Variants in DUS2 observed in about 807,000 individuals in gnomAD.
DUS2 encodes dihydrouridine synthase 2, also known as tRNA-dihydrouridine(20) synthase [NAD(P)+]-like.
Under a neutral mutation model 71.3 loss-of-function variants are expected in DUS2, and 52 were observed. The observed-to-expected ratio is 0.73, with a 90% CI of 0.58 to 0.92. DUS2 has a LOEUF of 0.92. Ranked by LOEUF, DUS2 falls within the 40% of genes least tolerant of loss-of-function variation. The probability of loss-of-function intolerance (pLI) is 0.00; values close to 1 mark genes in which losing one functional copy is unlikely to be tolerated. For missense variants in DUS2, 558 were observed against 622.6 expected (o/e 0.90, Z 1.10); for synonymous variants, 204 against 227.8 (o/e 0.90, Z 0.94).
chr16:68,062,691 C>G (rs1457840818), intron 8 of DUS2, among the ~76,000 whole-genome samples: 2 of 146,636 alleles, frequency 1.4e-5, no homozygotes, highest in Non-Finnish European at 3.0e-5. Flanking sequence ...TGCACTCCAG[C>G]CTGGGCGACA....
At chr16:68,052,834 G>T (rs886326810) in intron 4 of DUS2, among the ~76,000 whole-genome samples, 2 of 151,424 alleles carry the variant, frequency 1.3e-5, no homozygotes, top group African/African-American at 2.4e-5. Flanking sequence ...GTAGAGATGC[G>T]GTTTTGCCAT....
chr16:68,072,180 T>G (rs2034096869), intron 12 of DUS2, among the ~76,000 whole-genome samples: 1 of 152,210 alleles, frequency 6.6e-6, no homozygotes, highest in African/African-American at 2.4e-5. Context: ...CTGTGCAAGC[T>G]AGGATGGTAA....
intron 8 of DUS2, among the ~76,000 whole-genome samples, chr16:68,065,545 G>A (rs147609831): frequency 1.7e-3 from 264 of 152,138 alleles, no homozygotes; most frequent in Admixed American, 3.6e-3. Context: ...GTGGGAGGAT[G>A]GCTTGAGCTA....
At chr16:68,047,541 T>C (rs1364937486) in intron 3 of DUS2, among the ~76,000 whole-genome samples, 1 of 151,362 alleles carries the variant, frequency 6.6e-6, no homozygotes, top group Non-Finnish European at 1.5e-5. Flanking sequence ...TGGAGTGCAA[T>C]GGCGCAATCT....
chr16:68,031,746 G>C (rs1450538427), intron 2 of DUS2, among the ~76,000 whole-genome samples: 1 of 152,048 alleles, frequency 6.6e-6, no homozygotes, highest in African/African-American at 2.4e-5. Context: ...CCAGGCTGGA[G>C]GGCAGTGGTG....
intron 2 of DUS2, among the ~76,000 whole-genome samples, chr16:68,035,709 GT>G (rs1265416266): frequency 1.3e-4 from 18 of 138,300 alleles, no homozygotes; most frequent in Admixed American, 2.9e-4. Context: ...ATTCTATGTG[GT>G]TTTTTTTTTT....
In DUS2 at chr16:68,038,142, A is replaced by G. The variant is rs2033562484; in HGVS notation, c.119A>G (p.Tyr40Cys). ...CTGGATTATGGAGCGGACATTGTTTACTGTGAGGTAAGGGGCTCTGATTTT... is the reference window on the plus strand; with the variant it reads ...CTGGATTATGGAGCGGACATTGTTTGCTGTGAGGTAAGGGGCTCTGATTTT... ...LALDYGADIV[Y>C]CEELIDLKMI... Residue 40 changes from tyrosine to cysteine, a missense_variant, in exon 3 of 17, where the codon TAC becomes TGC. Physicochemically the swap from Tyr to Cys is radical, Grantham distance 194. Transcript: ENST00000565263. The G allele has an allele frequency of 6.2e-7, 1 of 1,613,690 alleles. No individual in the cohort carries two copies. Among genetic ancestry groups the G allele is most frequent in the Non-Finnish European group, 8.5e-7 (1 of 1,179,774 alleles).
intron 8 of DUS2, among the ~76,000 whole-genome samples, chr16:68,062,221 C>T (rs142848320): frequency 2.1e-3 from 314 of 151,840 alleles, no homozygotes; most frequent in Non-Finnish European, 3.4e-3. Flanking sequence ...ATGTTGGCCA[C>T]GCTGGTCTTG....
chr16:68,035,473 C>G (rs927255120), intron 2 of DUS2, among the ~76,000 whole-genome samples: 1 of 151,656 alleles, frequency 6.6e-6, no homozygotes, highest in Admixed American at 6.6e-5. Flanking sequence ...ACCTGAAACT[C>G]CTGGGCTCAT....
intron 10 of DUS2, among the ~76,000 whole-genome samples, chr16:68,069,235 T>A (rs1422366476): frequency 6.6e-6 from 1 of 151,804 alleles, no homozygotes; most frequent in Non-Finnish European, 1.5e-5. Flanking sequence ...CTAAAAAAAA[T>A]ACAAAATTAG....
At position 68,023,325 on chromosome 16, in the gene DUS2, G is replaced by A; in HGVS notation, c.-125G>A. 3 of 1,227,780 alleles carry A rather than the reference G, an allele frequency of 2.4e-6. No homozygotes were observed. The highest frequency in any genetic ancestry group is 1.1e-6 in the Non-Finnish European group (1 of 896,022). The allele number at this position is 1,227,780 out of a possible 1,614,324, so 76.1% of individuals were successfully genotyped here. ...CTGGAGCACCGTGAGGAAGAAGCGAGGTTCTTTTTAAGAGTTCAGCTGCGA... is the reference window on the plus strand; with the variant it reads ...CTGGAGCACCGTGAGGAAGAAGCGAAGTTCTTTTTAAGAGTTCAGCTGCGA... On this transcript the variant is annotated 5_prime_UTR_variant, in exon 1 of 17. Transcript: ENST00000565263.
Position 68,075,381 on chromosome 16 carries a change from A to G in DUS2, c.959A>G (p.Tyr320Cys), listed in dbSNP as rs1211646206. Reference sequence around the variant, plus strand: ...GAGGCCTTTGGCCTTGGTGCCTTCTATGAGGAGACCACACAGGAGCTGGAT... The same window carrying G: ...GAGGCCTTTGGCCTTGGTGCCTTCTGTGAGGAGACCACACAGGAGCTGGAT... ...ICEAFGLGAF[Y>C]EETTQELDAQ... The change falls in exon 14 of 17, where the codon TAT becomes TGT. Residue 320 changes from tyrosine to cysteine, a missense_variant. Coordinates refer to ENST00000565263, the MANE Select transcript of DUS2 (RefSeq NM_017803.5). 8 of 1,612,480 alleles carry G rather than the reference A, an allele frequency of 5.0e-6. No individual in the cohort carries two copies. The highest frequency in any genetic ancestry group is 3.3e-5 in the Admixed American group (2 of 59,846).
intron 3 of DUS2, among the ~76,000 whole-genome samples, chr16:68,045,725 CT>C (rs998054175): frequency 5.9e-4 from 78 of 133,006 alleles, no homozygotes; most frequent in African/African-American, 4.6e-4. Flanking sequence ...ACTTTCTTTT[CT>C]TTTTTTTTTT....
chr16:68,036,360 C>T lies in DUS2; in HGVS notation c.-18-1646C>T, dbSNP rs1009433476. 6.6e-5 allele frequency among the ~76,000 whole-genome samples: 10 copies of T among 152,150 alleles called. No homozygotes were observed. The East Asian group carries it at 9.7e-4, about 15-fold the overall frequency. On this transcript the variant is annotated intron_variant, in intron 2 of 16. Transcript: ENST00000565263. ...ATTTTGAGTAGAGACGGGGTTTCAC[C>T]ATCTTGGCCAGGCTGGTCTTGAACT... is the stretch of plus-strand genomic sequence containing the variant.
rs1461495145 is a variant in DUS2, at chr16:68,075,311, G to A, written c.933-44G>A. On this transcript the variant is annotated intron_variant, in intron 13 of 16. Transcript: ENST00000565263. The stretch of plus-strand genomic sequence containing the variant: ...GGGGTCCTGCAGTACCCTGGATGCT[G>A]GCTCCGCTAAAGTGTTTGCTCTGAT... 2.7e-6 allele frequency: 4 copies of A among 1,505,888 alleles called. No homozygotes were observed. In the East Asian group the frequency reaches 7.2e-5, roughly 27 times the overall value. 93.3% of individuals were successfully genotyped at this position (1,505,888 alleles called of 1,614,324 possible). A position where few individuals can be genotyped will look rare whatever the true frequency, so the allele number is the denominator to read the frequency against.
intron 10 of DUS2, among the ~76,000 whole-genome samples, chr16:68,067,485 T>C (rs2034027467): frequency 6.6e-6 from 1 of 150,796 alleles, no homozygotes; most frequent in Non-Finnish European, 1.5e-5. Context: ...TTTCACCACG[T>C]TGGCCAGGCT....
intron 2 of DUS2, among the ~76,000 whole-genome samples, chr16:68,030,364 C>T (rs986361458): frequency 2.6e-5 from 4 of 151,958 alleles, no homozygotes; most frequent in South Asian, 4.2e-4. Flanking sequence ...GAGGCTGAGG[C>T]GGGTGGATCA....
At position 68,070,164 on chromosome 16, in the gene DUS2, C is replaced by T. The variant is rs2034063867; in HGVS notation, c.585C>T (p.Val195=). 1 of 1,614,012 alleles carries T rather than the reference C, an allele frequency of 6.2e-7. No individual in the cohort carries two copies. The highest frequency in any genetic ancestry group is 1.7e-5 in the Admixed American group (1 of 60,006). Reference sequence around the variant, plus strand: ...GGGAGGAGCGACCTCAGCATCCTGTCAGCTGTGAAGTCATCAAAGCCATTG... The same window carrying T: ...GGGAGGAGCGACCTCAGCATCCTGTTAGCTGTGAAGTCATCAAAGCCATTG... The part of the protein sequence containing the change: ...RKREERPQHP[V]SCEVIKAIAD... The change falls in exon 11 of 17, where the codon GTC becomes GTT. Residue 195 remains valine (V), a synonymous_variant. Transcript: ENST00000565263.
chr16:68,027,456 T>C (rs1250819132), intron 2 of DUS2, among the ~76,000 whole-genome samples: 1 of 152,226 alleles, frequency 6.6e-6, no homozygotes, highest in Non-Finnish European at 1.5e-5. Flanking sequence ...CAGGCTGGTC[T>C]GGTCTCAAAC....
Sources: gnomAD v4.1 joint callset for allele counts (sites outside exome capture counted in the v4.1 genomes callset) on GRCh38, gnomAD v4.1.1 for gene constraint, MANE v1.5 for transcripts, NCBI Gene and HGNC (gene_info 2026-07-23, HGNC 2026-07-21) for gene names.